PACRG: variants seen among roughly 807,000 people sequenced by gnomAD.
PACRG encodes parkin coregulated gene protein.
A neutral mutation model predicts 29.7 loss-of-function variants in PACRG; 29 were observed. The observed-to-expected ratio is 0.98, with a 90% CI of 0.73 to 1.33. The LOEUF (loss-of-function observed/expected upper bound fraction) is 1.33. Ranked by LOEUF, PACRG falls within the 40% of genes most tolerant of loss-of-function variation. PACRG has a pLI of 0.00. For missense variants in PACRG, 279 were observed against 316.2 expected, an observed-to-expected ratio of 0.88 and a Z score of 0.89; for synonymous variants, 116 against 118.7, an observed-to-expected ratio of 0.98 and a Z score of 0.15.
chr6:163,108,302 T>C (rs1815499217), intron 4 of PACRG, among the ~76,000 whole-genome samples: 1 of 151,980 alleles, frequency 6.6e-6, no homozygotes, highest in South Asian at 2.1e-4. Context: ...GCCCTTCGCC[T>C]TCTACCATTG....
At chr6:163,038,063 C>T (rs1365785487) in intron 2 of PACRG, among the ~76,000 whole-genome samples, 1 of 152,160 alleles carries the variant, frequency 6.6e-6, no homozygotes, top group East Asian at 1.9e-4. Context: ...ACATTATTTA[C>T]CATAGGCAGC....
At chr6:162,812,403 C>G (rs1786952648) in intron 1 of PACRG, among the ~76,000 whole-genome samples, 1 of 152,056 alleles carries the variant, frequency 6.6e-6, no homozygotes, top group Non-Finnish European at 1.5e-5. Context: ...CATATTTGCA[C>G]TATACACTGG....
chr6:162,781,745 C>T (rs1348917545), intron 1 of PACRG, among the ~76,000 whole-genome samples: 3 of 150,804 alleles, frequency 2.0e-5, no homozygotes, highest in Non-Finnish European at 4.4e-5. Flanking sequence ...CTAAGTGAAC[C>T]GCGAAAATAA....
intron 2 of PACRG, among the ~76,000 whole-genome samples, chr6:162,952,870 C>T (rs922182421): frequency 6.6e-5 from 10 of 152,030 alleles, no homozygotes; most frequent in African/African-American, 9.7e-5. Context: ...CCTCTAGCTT[C>T]GACGTTTTTG....
chr6:163,147,202 T>C (rs991380467), intron 4 of PACRG, among the ~76,000 whole-genome samples: 2 of 152,216 alleles, frequency 1.3e-5, no homozygotes, highest in African/African-American at 4.8e-5. Flanking sequence ...CAGTTCAATG[T>C]ATATAATTAC....
At chr6:162,756,101 A>G (rs536949881) in intron 1 of PACRG, among the ~76,000 whole-genome samples, 48 of 152,292 alleles carry the variant, frequency 3.2e-4, no homozygotes, top group African/African-American at 1.1e-3. Context: ...TGATCACTTG[A>G]GAAAAATGTA....
Position 162,785,132 on chromosome 6 carries a change from C to T in PACRG, c.157-29015C>T, listed in dbSNP as rs570299545. 5.4e-5 allele frequency among the ~76,000 whole-genome samples: 8 copies of T among 148,910 alleles called. No homozygotes were observed. The South Asian group carries it at 1.7e-3, about 32-fold the overall frequency. The stretch of plus-strand genomic sequence containing the variant: ...TTTTCAGTTAGCTTTAGGGTAGGCA[C>T]AATTACATTGACAAAGAAAGAGAGA... On this transcript the variant is annotated intron_variant, in intron 1 of 4. Coordinates refer to ENST00000366888, the MANE Select transcript of PACRG (RefSeq NM_001080379.2).
intron 1 of PACRG, among the ~76,000 whole-genome samples, chr6:162,751,894 G>A (rs114788364): frequency 2.1e-3 from 313 of 152,296 alleles, no homozygotes; most frequent in African/African-American, 7.2e-3. Context: ...TTTGTGGTCA[G>A]TATTAGTCTT....
At chr6:163,153,099 T>G (rs1778166108) in intron 4 of PACRG, among the ~76,000 whole-genome samples, 1 of 152,236 alleles carries the variant, frequency 6.6e-6, no homozygotes, top group Non-Finnish European at 1.5e-5. Context: ...AATTTTTGTT[T>G]GTATTTAAAT....
chr6:163,096,361 C>CTG (rs35561250), intron 4 of PACRG, among the ~76,000 whole-genome samples: 55,648 of 151,960 alleles, frequency 0.37, 11,011 homozygotes, highest in East Asian at 0.57. Flanking sequence ...TCAGGCCACT[C>CTG]TGCCTAAAGG....
intron 4 of PACRG, among the ~76,000 whole-genome samples, chr6:163,212,290 G>A (rs1781175674): frequency 6.6e-6 from 1 of 152,142 alleles, no homozygotes; most frequent in Admixed American, 6.5e-5. Context: ...CTATGTGTAT[G>A]TGTGTATAGC....
Position 163,004,737 on chromosome 6 carries a change from T to TACACACAC in PACRG, c.292-57401_292-57394dup, listed in dbSNP as rs146095540. 3.3e-3 allele frequency among the ~76,000 whole-genome samples: 441 copies of TACACACAC among 135,500 alleles called. 10 individuals carry two copies. Among genetic ancestry groups the TACACACAC allele is most frequent in the African/African-American group, 0.013 (410 of 31,822 alleles). The allele number at this position is 135,500 out of a possible 152,430, so 88.9% of individuals were successfully genotyped here. A position where few individuals can be genotyped will look rare whatever the true frequency, so the allele number is the denominator to read the frequency against. On this transcript the variant is annotated intron_variant, in intron 2 of 4. Coordinates refer to ENST00000366888, the MANE Select transcript of PACRG (RefSeq NM_001080379.2). ...GTGTGTGTGTGTGTGTATATATATA[T>TACACACAC]ACACACACACACACACACATATCTG...
At chr6:163,152,374 C>A (rs1380124600) in intron 4 of PACRG, among the ~76,000 whole-genome samples, 1 of 152,166 alleles carries the variant, frequency 6.6e-6, no homozygotes, top group African/African-American at 2.4e-5. Context: ...TTGAAGTACA[C>A]CTTGAACTGA....
chr6:162,959,444 A>G (rs949708807), intron 2 of PACRG, among the ~76,000 whole-genome samples: 4 of 152,004 alleles, frequency 2.6e-5, no homozygotes, highest in Admixed American at 2.6e-4. Context: ...TGGGTCTGGT[A>G]TTTTCTGCAA....
At chr6:163,239,846 A>T (rs1377284646) in intron 4 of PACRG, among the ~76,000 whole-genome samples, 4 of 135,912 alleles carry the variant, frequency 2.9e-5, no homozygotes, top group Non-Finnish European at 6.3e-5. Context: ...TCACATACAC[A>T]CACACTCTCA....
chr6:163,141,670 A>T (rs181232753), intron 4 of PACRG, among the ~76,000 whole-genome samples: 37 of 149,394 alleles, frequency 2.5e-4, no homozygotes, highest in African/African-American at 6.2e-4. Context: ...AGATCAGATT[A>T]AAAAAAAGCA....
chr6:163,297,794 C>T (rs1216154176), intron 4 of PACRG, among the ~76,000 whole-genome samples: 2 of 152,100 alleles, frequency 1.3e-5, no homozygotes, highest in African/African-American at 2.4e-5. Flanking sequence ...CTCTGATTAG[C>T]GACCCCTCAC....
At chr6:163,190,854 C>T in intron 4 of PACRG, 4 of 414,602 alleles carry the variant, frequency 9.6e-6, no homozygotes, top group South Asian at 3.6e-5. Flanking sequence ...TTACTTCCCT[C>T]GTGTTCTGTC....
chr6:163,065,768 T>C (rs2128270942), intron 3 of PACRG, among the ~76,000 whole-genome samples: 1 of 152,176 alleles, frequency 6.6e-6, no homozygotes, highest in African/African-American at 2.4e-5. Flanking sequence ...TAAAAAGAAG[T>C]CCATTTTGAA....
Sources: gnomAD v4.1 joint callset for allele counts (sites outside exome capture counted in the v4.1 genomes callset) on GRCh38, gnomAD v4.1.1 for gene constraint, MANE v1.5 for transcripts, NCBI Gene and HGNC (gene_info 2026-07-23, HGNC 2026-07-21) for gene names.